RABGAP1L: variants seen among roughly 807,000 people sequenced by gnomAD.
The protein encoded by RABGAP1L is rab GTPase-activating protein 1-like.
Under a neutral mutation model 137.7 loss-of-function variants are expected in RABGAP1L, and 63 were observed. That is an observed-to-expected ratio of 0.46 (90% CI 0.37 to 0.56). The LOEUF is 0.56. Ranked by LOEUF, RABGAP1L falls within the 20% of genes least tolerant of loss-of-function variation. The probability of loss-of-function intolerance (pLI) is 0.00; values close to 1 mark genes in which losing one functional copy is unlikely to be tolerated. For synonymous variants in RABGAP1L, 431 were observed against 433.7 expected (o/e 0.99, Z 0.08); for missense variants, 1,095 against 1,244.0 (o/e 0.88, Z 1.80).
chr1:174,551,187 C>T (rs1049802210), intron 13 of RABGAP1L, among the ~76,000 whole-genome samples: 11 of 149,632 alleles, frequency 7.4e-5, no homozygotes, highest in African/African-American at 9.9e-5. Context: ...CCAGCCTGGG[C>T]GACAGAGCAA....
chr1:174,601,604 C>T (rs148505444), intron 13 of RABGAP1L, among the ~76,000 whole-genome samples: 3,437 of 152,028 alleles, frequency 0.023, 61 homozygotes, highest in Middle Eastern at 0.085. Flanking sequence ...ATGTAACAAA[C>T]CTGCACATTG....
chr1:174,385,424 A>C (rs141621604), intron 12 of RABGAP1L, among the ~76,000 whole-genome samples: 1 of 152,248 alleles, frequency 6.6e-6, no homozygotes, highest in South Asian at 2.1e-4. Context: ...GACTATGTCC[A>C]TTAATCAATT....
chr1:174,231,061 C>T, intron 3 of RABGAP1L, 84 bp from the exon 4 acceptor site: 7 of 965,444 alleles, frequency 7.3e-6, no homozygotes, highest in Non-Finnish European at 1.1e-5. Context: ...TGAAATATTT[C>T]ATTTCTTTTT....
intron 19 of RABGAP1L, among the ~76,000 whole-genome samples, chr1:174,851,880 G>A (rs2148989559): frequency 6.6e-6 from 1 of 152,098 alleles, no homozygotes; most frequent in South Asian, 2.1e-4. Flanking sequence ...GGGTTTATGT[G>A]ACCTGGATTT....
rs117719800 is a variant in RABGAP1L, at chr1:174,260,646, A to G, written c.986+8056A>G. 4.7e-4 allele frequency among the ~76,000 whole-genome samples: 71 copies of G among 152,348 alleles called. 1 individual carries two copies. The East Asian group carries it at 0.012, about 26-fold the overall frequency. On this transcript the variant is annotated intron_variant, in intron 7 of 25. Transcript: ENST00000681986. ...TTTCTCTCTCTGACTAGCTGCCATT[A>G]TTATGGGTTTTGGTATCACCACATA...
Position 174,978,788 on chromosome 1 carries a change from C to G in RABGAP1L, c.2650-19C>G. ...AGATTTTGGCTAAATCCTGATATTT[C>G]TCATTCTATTCTTTCTAGCTAAAAG... On this transcript the variant is annotated intron_variant, in intron 22 of 25. Transcript: ENST00000681986. 2 of 1,517,798 alleles carry G rather than the reference C, an allele frequency of 1.3e-6. No individual in the cohort carries two copies. The highest frequency in any genetic ancestry group is 1.8e-6 in the Non-Finnish European group (2 of 1,137,490). 94.0% of individuals were successfully genotyped at this position (1,517,798 alleles called of 1,614,324 possible).
chr1:174,604,541 G>A (rs944890984), intron 13 of RABGAP1L, among the ~76,000 whole-genome samples: 1 of 152,152 alleles, frequency 6.6e-6, no homozygotes, highest in African/African-American at 2.4e-5. Flanking sequence ...TCTCATGAAG[G>A]TGCTTCATTA....
chr1:174,239,139 G>A (rs1407163986), intron 4 of RABGAP1L, among the ~76,000 whole-genome samples: 1 of 152,120 alleles, frequency 6.6e-6, no homozygotes, highest in Non-Finnish European at 1.5e-5. Context: ...CGCACCGTGC[G>A]CGCACCAACT....
Position 174,196,088 on chromosome 1 carries a change from G to A in RABGAP1L, c.-33-23037G>A, listed in dbSNP as rs369493770. ...CTGACCTCGTGATCCGCCCACCTTG[G>A]CCTCCCAGCATGAGCCACCACGCCT... is the stretch of plus-strand genomic sequence containing the variant. On this transcript the variant is annotated intron_variant, in intron 1 of 25. Transcript: ENST00000681986. 1.1e-4 allele frequency among the ~76,000 whole-genome samples: 17 copies of A among 151,680 alleles called. No homozygotes were observed. The East Asian group carries it at 1.9e-3, about 17-fold the overall frequency.
At chr1:174,536,794 A>G (rs1664928257) in intron 13 of RABGAP1L, among the ~76,000 whole-genome samples, 3 of 152,176 alleles carry the variant, frequency 2.0e-5, no homozygotes, top group African/African-American at 7.2e-5. Flanking sequence ...CAGAAGGTAG[A>G]GTACCGGCAT....
At chr1:174,211,072 C>T (rs924305568) in intron 1 of RABGAP1L, among the ~76,000 whole-genome samples, 1 of 152,066 alleles carries the variant, frequency 6.6e-6, no homozygotes, top group Non-Finnish European at 1.5e-5. Flanking sequence ...CAGACCTGTC[C>T]TATAAGAAAT....
intron 21 of RABGAP1L, among the ~76,000 whole-genome samples, chr1:174,972,841 G>A (rs527712025): frequency 2.2e-4 from 24 of 107,084 alleles, no homozygotes; most frequent in East Asian, 4.9e-4. Context: ...GTGACAGAGC[G>A]AGACTCTGTC....
intron 13 of RABGAP1L, among the ~76,000 whole-genome samples, chr1:174,562,907 G>C (rs147607002): frequency 7.8e-4 from 119 of 152,192 alleles, no homozygotes; most frequent in African/African-American, 2.6e-3. Context: ...TAATGTAGAT[G>C]GTGGGTTGTT....
intron 4 of RABGAP1L, among the ~76,000 whole-genome samples, chr1:174,239,519 G>A (rs1027158132): frequency 6.6e-6 from 1 of 152,002 alleles, no homozygotes; most frequent in Non-Finnish European, 1.5e-5. Flanking sequence ...ATCATAAGAA[G>A]CCTTCCTTGG....
chr1:174,822,677 A>G (rs546059966), intron 19 of RABGAP1L, among the ~76,000 whole-genome samples: 75 of 152,314 alleles, frequency 4.9e-4, no homozygotes, highest in African/African-American at 1.7e-3. Flanking sequence ...TCACGCTCCT[A>G]TGAAAATCTA....
intron 13 of RABGAP1L, among the ~76,000 whole-genome samples, chr1:174,618,975 G>A (rs1201189269): frequency 1.3e-5 from 2 of 152,238 alleles, no homozygotes; most frequent in Non-Finnish European, 2.9e-5. Context: ...ACGAAGACAT[G>A]AGAACTACGT....
intron 10 of RABGAP1L, among the ~76,000 whole-genome samples, chr1:174,295,491 C>G (rs1157798458): frequency 6.6e-6 from 1 of 152,040 alleles, no homozygotes; most frequent in African/African-American, 2.4e-5. Context: ...TCAAGCGATT[C>G]TCTTGCCTCA....
At chr1:174,702,085 C>G (rs766971908) in intron 16 of RABGAP1L, 28 bp from the exon 17 acceptor site, 1 of 1,598,958 alleles carries the variant, frequency 6.3e-7, no homozygotes, top group Admixed American at 1.7e-5. Context: ...CTTCTCATTG[C>G]TCCTAAATTT....
chr1:174,282,790 G>A (rs1263376290), intron 10 of RABGAP1L, among the ~76,000 whole-genome samples: 1 of 152,154 alleles, frequency 6.6e-6, no homozygotes, highest in African/African-American at 2.4e-5. Context: ...TGGCATGAAG[G>A]CTTGAGGTCA....
Sources: gnomAD v4.1 joint callset for allele counts (sites outside exome capture counted in the v4.1 genomes callset) on GRCh38, gnomAD v4.1.1 for gene constraint, MANE v1.5 for transcripts, NCBI Gene and HGNC (gene_info 2026-07-23, HGNC 2026-07-21) for gene names.